DLG2: variants seen among roughly 807,000 people sequenced by gnomAD.
DLG2 encodes discs large MAGUK scaffold protein 2, also known as disks large homolog 2.
In DLG2, 45 loss-of-function variants were observed where a neutral mutation model predicts 132.5. That is an observed-to-expected ratio of 0.34 (90% CI 0.27 to 0.44). The LOEUF is 0.44. DLG2 is among the 20% of genes least tolerant of loss of function. The pLI, the probability that DLG2 is intolerant of heterozygous loss-of-function variation, is 1.00. For synonymous variants in DLG2, 424 were observed against 419.6 expected, an observed-to-expected ratio of 1.01 and a Z score of -0.13; for missense variants, 1,045 against 1,196.9, an observed-to-expected ratio of 0.87 and a Z score of 1.87.
intron 6 of DLG2, among the ~76,000 whole-genome samples, chr11:84,563,954 T>C (rs984403959): frequency 2.6e-5 from 4 of 152,124 alleles, no homozygotes; most frequent in African/African-American, 9.7e-5. Context: ...GATACTGATA[T>C]TAATTATATA....
chr11:84,868,009 G>C (rs7123032), intron 6 of DLG2, among the ~76,000 whole-genome samples: 8,197 of 151,726 alleles, frequency 0.054, 373 homozygotes, highest in African/African-American at 0.12. Flanking sequence ...GGGCGGCGGA[G>C]CTTGCAGTGA....
chr11:83,545,192 G>T (rs760469786), intron 19 of DLG2, among the ~76,000 whole-genome samples: 2 of 152,058 alleles, frequency 1.3e-5, no homozygotes, highest in Non-Finnish European at 2.9e-5. Context: ...GTGATCTTAG[G>T]CAAGTTACTT....
At chr11:83,794,922 C>T (rs1341929205) in intron 17 of DLG2, among the ~76,000 whole-genome samples, 1 of 152,148 alleles carries the variant, frequency 6.6e-6, no homozygotes, top group Non-Finnish European at 1.5e-5. Context: ...CTCCCTGAGA[C>T]TGGCAGCAGA....
chr11:83,693,309 T>A (rs1234222415), intron 18 of DLG2, among the ~76,000 whole-genome samples: 2 of 152,076 alleles, frequency 1.3e-5, no homozygotes, highest in Non-Finnish European at 2.9e-5. Flanking sequence ...TTTAGTACTG[T>A]TGAATAGTCA....
At position 85,100,838 on chromosome 11, in the gene DLG2, CAAAG is replaced by C. The variant is rs1594180789; in HGVS notation, c.357+10819_357+10822del. On this transcript the variant is annotated intron_variant, in intron 6 of 27. Transcript: ENST00000376104. ...AGCTACCTGGTCATCTAAGAACTGT[CAAAG>C]AAAGAGAGGCTCATAAACGTGAATC... Among the ~76,000 whole-genome samples the C allele has an allele frequency of 2.0e-5, 3 of 152,006 alleles. No individual in the cohort carries two copies. The East Asian group carries it at 5.8e-4, about 29-fold the overall frequency.
At chr11:84,026,862 T>G (rs1437421760) in intron 11 of DLG2, among the ~76,000 whole-genome samples, 2 of 152,140 alleles carry the variant, frequency 1.3e-5, no homozygotes, top group Non-Finnish European at 2.9e-5. Context: ...TTTTTCCATC[T>G]GTAAATTGGG....
Position 84,703,063 on chromosome 11 carries a change from GT to G in DLG2, c.358-168333del, listed in dbSNP as rs199741488. Reference sequence around the variant, plus strand: ...AACAGGGAGTTTATACTTGTAAAAAGTTTCACCAAAAATTCTTAAAAATAAA... The same window carrying G: ...AACAGGGAGTTTATACTTGTAAAAAGTTCACCAAAAATTCTTAAAAATAAA... On this transcript the variant is annotated intron_variant, in intron 6 of 27. Coordinates refer to ENST00000376104, the MANE Select transcript of DLG2 (RefSeq NM_001142699.3). Among the ~76,000 whole-genome samples the G allele has an allele frequency of 3.1e-3, 474 of 151,530 alleles. 6 individuals carry two copies. Among genetic ancestry groups the G allele is most frequent in the Admixed American group, 7.8e-3 (118 of 15,180 alleles).
chr11:84,747,772 G>A (rs1057460902), intron 6 of DLG2, among the ~76,000 whole-genome samples: 2 of 151,098 alleles, frequency 1.3e-5, no homozygotes, highest in Non-Finnish European at 3.0e-5. Flanking sequence ...TAATTTAGGT[G>A]CTGGGTATCG....
chr11:84,558,201 A>G (rs112142924), intron 6 of DLG2, among the ~76,000 whole-genome samples: 4 of 152,298 alleles, frequency 2.6e-5, no homozygotes, highest in African/African-American at 9.6e-5. Flanking sequence ...GAACAAATAA[A>G]AAAACTTCAC....
At position 84,357,859 on chromosome 11, in the gene DLG2, G is replaced by A. The variant is rs541714382; in HGVS notation, c.520-106568C>T. 1.3e-4 allele frequency among the ~76,000 whole-genome samples: 20 copies of A among 151,888 alleles called. No homozygotes were observed. The Middle Eastern group carries it at 0.01, about 77-fold the overall frequency. On this transcript the variant is annotated intron_variant, in intron 7 of 27. Transcript: ENST00000376104. ...ATGAAGGCATTAAATGAAACATGTA[G>A]TAGGTAAGAGTCTCAAATTTCTTAA...
chr11:85,368,435 C>G (rs2084716731), intron 3 of DLG2, among the ~76,000 whole-genome samples: 1 of 152,214 alleles, frequency 6.6e-6, no homozygotes, highest in Non-Finnish European at 1.5e-5. Flanking sequence ...TCTTTGACAT[C>G]TAATCCACCA....
intron 6 of DLG2, among the ~76,000 whole-genome samples, chr11:84,812,339 C>T (rs551591603): frequency 3.3e-4 from 50 of 152,266 alleles, no homozygotes; most frequent in Non-Finnish European, 5.3e-4. Flanking sequence ...TAGGCACATA[C>T]TGTGTGGATT....
intron 9 of DLG2, among the ~76,000 whole-genome samples, chr11:84,123,731 G>A (rs377420762): frequency 7.2e-5 from 11 of 152,034 alleles, no homozygotes; most frequent in South Asian, 2.1e-4. Flanking sequence ...ATGAAATAGC[G>A]GCCCAAAAGG....
At chr11:84,335,116 T>C (rs2098477598) in intron 7 of DLG2, among the ~76,000 whole-genome samples, 1 of 107,994 alleles carries the variant, frequency 9.3e-6, no homozygotes. Flanking sequence ...TAAAGTCCTT[T>C]ACTACAAAAA....
chr11:84,600,587 A>G (rs368801254), intron 6 of DLG2, among the ~76,000 whole-genome samples: 3 of 152,182 alleles, frequency 2.0e-5, no homozygotes, highest in African/African-American at 7.2e-5. Flanking sequence ...TTCAAATATA[A>G]TGCTCTTTTA....
chr11:84,832,331 T>G (rs1418680236), intron 6 of DLG2, among the ~76,000 whole-genome samples: 5 of 151,668 alleles, frequency 3.3e-5, no homozygotes, highest in Admixed American at 3.3e-4. Flanking sequence ...CAACAAACCC[T>G]TTTGGTCTTT....
At chr11:84,617,049 T>C (rs1239041961) in intron 6 of DLG2, among the ~76,000 whole-genome samples, 1 of 151,670 alleles carries the variant, frequency 6.6e-6, no homozygotes, top group Non-Finnish European at 1.5e-5. Flanking sequence ...GTTTGTTACA[T>C]AGGTATACAC....
At chr11:84,883,194 C>G (rs551606023) in intron 6 of DLG2, among the ~76,000 whole-genome samples, 1 of 151,894 alleles carries the variant, frequency 6.6e-6, no homozygotes, top group South Asian at 2.1e-4. Context: ...TCATTCTCAG[C>G]AAATTAACAC....
chr11:84,789,032 T>C (rs2073395089), intron 6 of DLG2, among the ~76,000 whole-genome samples: 1 of 152,136 alleles, frequency 6.6e-6, no homozygotes, highest in African/African-American at 2.4e-5. Context: ...CAGAAAATAA[T>C]GCAAGGAAGT....
Sources: allele counts gnomAD v4.1 joint callset (sites outside exome capture counted in the v4.1 genomes callset), GRCh38; gene constraint gnomAD v4.1.1; transcripts MANE v1.5; gene names NCBI Gene and HGNC (gene_info 2026-07-23, HGNC 2026-07-21).